The following CSMD1 variants were observed in gnomAD, a reference collection of about 807,000 sequenced individuals.
The protein encoded by CSMD1 is CUB and sushi domain-containing protein 1.
In CSMD1, 213 loss-of-function variants were observed where a neutral mutation model predicts 417.5. The ratio of observed to expected loss-of-function variants is 0.51; its 90% confidence interval spans 0.46 to 0.57. The LOEUF (loss-of-function observed/expected upper bound fraction) is 0.57. CSMD1 is among the 20% of genes least tolerant of loss of function. CSMD1 has a pLI of 0.00. For synonymous variants in CSMD1, 2,862 were observed against 1,736.8 expected, an observed-to-expected ratio of 1.65 and a Z score of -16.11; for missense variants, 6,923 against 4,529.7, an observed-to-expected ratio of 1.53 and a Z score of -15.17.
chr8:3,822,817 T>C (rs1002769279), intron 5 of CSMD1, among the ~76,000 whole-genome samples: 24 of 148,626 alleles, frequency 1.6e-4, no homozygotes, highest in Admixed American at 1.5e-3. Flanking sequence ...TTTGGGCTTA[T>C]TTTTTTTTTA....
rs566716002 is a variant in CSMD1 at position 3,954,445 on chromosome 8, C to A, written c.818+43458G>T. Among the ~76,000 whole-genome samples, 4 of 152,270 alleles carry A rather than the reference C, an allele frequency of 2.6e-5. No individual in the cohort carries two copies. In the South Asian group the frequency reaches 8.3e-4, roughly 32 times the overall value. ...TGGCGGTGGTGATCTCAGCTCACTG[C>A]AACCTCCTCCTCCCGGGTTCAGGCG... On this transcript the variant is annotated intron_variant, in intron 5 of 69. Coordinates refer to ENST00000635120, the MANE Select transcript of CSMD1 (RefSeq NM_033225.6).
rs1374749808 is a variant in CSMD1 at position 2,954,229 on chromosome 8, G to C, written c.10034C>G (p.Thr3345Ser). ...AACTGTTCTGGTATACAAACCTGGA[G>C]TTTTAGTAACTGTTTCATTAACTTC... ...VREVNETVTK[T>S]PVPSDVFFVN... The change falls in exon 65 of 70, where the codon ACT (threonine) becomes AGT (serine). Residue 3345 changes from threonine to serine, a missense_variant. Transcript: ENST00000635120. The C allele has an allele frequency of 1.3e-6, 2 of 1,499,124 alleles. No homozygotes were observed. The highest frequency in any genetic ancestry group is 1.2e-5 in the South Asian group (1 of 80,462). The allele number at this position is 1,499,124 out of a possible 1,614,324, so 92.9% of individuals were successfully genotyped here.
intron 2 of CSMD1, among the ~76,000 whole-genome samples, chr8:4,546,343 G>T (rs1447875467): frequency 6.6e-6 from 1 of 152,212 alleles, no homozygotes; most frequent in African/African-American, 2.4e-5. Flanking sequence ...TGGGGTAAGG[G>T]TTGCCCAGAT....
intron 12 of CSMD1, among the ~76,000 whole-genome samples, chr8:3,436,309 G>A (rs1319614705): frequency 2.0e-5 from 3 of 152,170 alleles, no homozygotes; most frequent in Admixed American, 2.0e-4. Flanking sequence ...ACAAAAAGGT[G>A]AGAAAGTCCA....
intron 3 of CSMD1, among the ~76,000 whole-genome samples, chr8:4,172,348 A>G (rs1326650364): frequency 6.6e-6 from 1 of 152,142 alleles, no homozygotes; most frequent in Non-Finnish European, 1.5e-5. Flanking sequence ...GAGAAAATAA[A>G]GTTTAAATTG....
chr8:4,915,481 C>G (rs1438826864), intron 1 of CSMD1, among the ~76,000 whole-genome samples: 2 of 152,190 alleles, frequency 1.3e-5, no homozygotes, highest in African/African-American at 2.4e-5. Context: ...TCAGAACCAA[C>G]ATATATTTAT....
chr8:2,959,109 G>C (rs1803253430), intron 62 of CSMD1, among the ~76,000 whole-genome samples: 2 of 152,162 alleles, frequency 1.3e-5, no homozygotes, highest in Admixed American at 6.5e-5. Context: ...TTGACTGATC[G>C]ATTTAAACTT....
rs1453113593 is a variant in CSMD1 at position 3,343,448 on chromosome 8, T to C, written c.3477A>G (p.Val1159=). The C allele has an allele frequency of 3.1e-6, 5 of 1,612,076 alleles. No homozygotes were observed. The highest frequency in any genetic ancestry group is 4.2e-6 in the Non-Finnish European group (5 of 1,178,526). The change falls in exon 23 of 70, where the codon GTA becomes GTG. Residue 1159 remains valine (V), a splice_region_variant and synonymous_variant. Transcript: ENST00000635120. ...FQLFEGDTLK[V]YDGKDSSSRP... is the part of the protein sequence containing the mutation. ...GTGAGGAACTGTCTTTTCCATCATA[T>C]ACCTGATGAAAATTCACAGCATGAG...
At chr8:4,301,997 C>G (rs34048256) in intron 3 of CSMD1, among the ~76,000 whole-genome samples, 3 of 152,028 alleles carry the variant, frequency 2.0e-5, no homozygotes, top group African/African-American at 7.2e-5. Context: ...TATGTTAGAA[C>G]AAGTTAATAT....
chr8:4,818,944 G>C (rs1431199884), intron 1 of CSMD1, among the ~76,000 whole-genome samples: 1 of 152,112 alleles, frequency 6.6e-6, no homozygotes, highest in Non-Finnish European at 1.5e-5. Context: ...TCCAAGACCT[G>C]TAATTTATAT....
At chr8:4,402,242 C>A (rs1193487131) in intron 3 of CSMD1, among the ~76,000 whole-genome samples, 3 of 152,126 alleles carry the variant, frequency 2.0e-5, no homozygotes, top group Admixed American at 6.6e-5. Context: ...CTCATTCCCT[C>A]CAGGAACATC....
intron 3 of CSMD1, among the ~76,000 whole-genome samples, chr8:4,416,507 T>A (rs1041565948): frequency 6.6e-6 from 1 of 152,146 alleles, no homozygotes; most frequent in Admixed American, 6.6e-5. Flanking sequence ...ACCAAAATAA[T>A]GAACATTTTG....
intron 5 of CSMD1, among the ~76,000 whole-genome samples, chr8:3,891,183 C>T (rs2129127289): frequency 6.6e-6 from 1 of 152,052 alleles, no homozygotes; most frequent in Non-Finnish European, 1.5e-5. Flanking sequence ...GAAGCTGGGA[C>T]CACAGGCATG....
At chr8:2,956,423 C>T (rs759355174) in intron 63 of CSMD1, among the ~76,000 whole-genome samples, 2 of 151,746 alleles carry the variant, frequency 1.3e-5, no homozygotes, top group Non-Finnish European at 2.9e-5. Context: ...TATTATAAAA[C>T]AAGTTTACAA....
At chr8:4,980,339 A>C (rs997943707) in intron 1 of CSMD1, among the ~76,000 whole-genome samples, 1 of 152,196 alleles carries the variant, frequency 6.6e-6, no homozygotes, top group Non-Finnish European at 1.5e-5. Flanking sequence ...GGAGAGAATC[A>C]GTGCCTCAGT....
At chr8:4,051,078 C>T (rs1405933210) in intron 3 of CSMD1, among the ~76,000 whole-genome samples, 1 of 151,892 alleles carries the variant, frequency 6.6e-6, no homozygotes, top group African/African-American at 2.4e-5. Flanking sequence ...AAGCGCACTG[C>T]CCTGAGTTAC....
Position 4,788,420 on chromosome 8 carries a change from G to C in CSMD1, c.86-150862C>G. 4 of 1,336,994 alleles carry C rather than the reference G, an allele frequency of 3.0e-6. No individual in the cohort carries two copies. In the South Asian group the frequency reaches 4.8e-5, roughly 16 times the overall value. 82.8% of individuals were successfully genotyped at this position (1,336,994 alleles called of 1,614,324 possible). On this transcript the variant is annotated intron_variant, in intron 1 of 69. Transcript: ENST00000635120. ...TGTGGTCTTCTCTTTGACTACCCAGGGTCTTGGCTGTTCAACCACACTTTC... is the reference window on the plus strand; with the variant it reads ...TGTGGTCTTCTCTTTGACTACCCAGCGTCTTGGCTGTTCAACCACACTTTC...
intron 5 of CSMD1, among the ~76,000 whole-genome samples, chr8:3,893,701 C>T (rs1014733648): frequency 2.0e-5 from 3 of 151,780 alleles, no homozygotes; most frequent in African/African-American, 7.3e-5. Context: ...CCGCAGCAAC[C>T]GTGGTAACAA....
At chr8:3,237,107 G>A (rs531775970) in intron 26 of CSMD1, among the ~76,000 whole-genome samples, 2 of 152,062 alleles carry the variant, frequency 1.3e-5, no homozygotes, top group Non-Finnish European at 2.9e-5. Context: ...CTACTGCACT[G>A]CAGAACTGGA....
Sources: gnomAD v4.1 joint callset for allele counts (sites outside exome capture counted in the v4.1 genomes callset) on GRCh38, gnomAD v4.1.1 for gene constraint, MANE v1.5 for transcripts, NCBI Gene and HGNC (gene_info 2026-07-23, HGNC 2026-07-21) for gene names.